ZC3H14: variants seen among roughly 807,000 people sequenced by gnomAD.
The protein encoded by ZC3H14 is zinc finger CCCH-type containing 14.
Under a neutral mutation model 92.4 loss-of-function variants are expected in ZC3H14, and 31 were observed. The ratio of observed to expected loss-of-function variants is 0.34; its 90% CI spans 0.25 to 0.45. The LOEUF (loss-of-function observed/expected upper bound fraction) is 0.45, where lower values mean the gene tolerates loss of function less well. ZC3H14 is among the 20% of genes least tolerant of loss of function. ZC3H14 has a pLI of 1.00. For missense variants in ZC3H14, 781 were observed against 897.3 expected, an observed-to-expected ratio of 0.87 and a Z score of 1.66; for synonymous variants, 321 against 300.9, an observed-to-expected ratio of 1.07 and a Z score of -0.69.
chr14:88,624,662 A>G lies in ZC3H14; in HGVS notation c.*12911A>G. On this transcript the variant is annotated 3_prime_UTR_variant, in exon 17 of 17. Transcript: ENST00000251038. ...TACAACCCTGGCTCCAGATTCCCCC[A>G]TGGGCCTCCTACTCAGCAAATCATA... 8.1e-6 allele frequency: 2 copies of G among 245,806 alleles called. No homozygotes were observed. Among genetic ancestry groups the G allele is most frequent in the Non-Finnish European group, 1.5e-5 (2 of 129,076 alleles). 15.2% of individuals were successfully genotyped at this position (245,806 alleles called of 1,614,324 possible). A position where few individuals can be genotyped will look rare whatever the true frequency, so the allele number is the denominator to read the frequency against.
intron 12 of ZC3H14, among the ~76,000 whole-genome samples, chr14:88,605,269 A>G (rs2085210284): frequency 6.6e-6 from 1 of 152,236 alleles, no homozygotes; most frequent in Non-Finnish European, 1.5e-5. Context: ...AATTAGAGAA[A>G]CTTCCAGTCA....
chr14:88,596,068 T>C lies in ZC3H14; in HGVS notation c.1280-666T>C, dbSNP rs556445363. On this transcript the variant is annotated intron_variant, in intron 9 of 16. Transcript: ENST00000251038. The stretch of plus-strand genomic sequence containing the variant: ...TGCAGTCAGACTGCTGGGCATATTA[T>C]TGTTAGGAATAGTGAACCTAATAGG... Among the ~76,000 whole-genome samples the C allele has an allele frequency of 2.2e-4, 34 of 152,352 alleles. No homozygotes were observed. In the East Asian group the frequency reaches 6.5e-3, roughly 29 times the overall value.
At chr14:88,589,450 T>C (rs1354208157) in intron 9 of ZC3H14, 1 of 152,256 alleles carries the variant, frequency 6.6e-6, no homozygotes, top group African/African-American at 2.4e-5. Flanking sequence ...AATTCAAGGC[T>C]TGATATATCA....
chr14:88,620,640 G>A lies in ZC3H14; in HGVS notation c.*8889G>A, dbSNP rs1432155724. 16 of 789,812 alleles carry A rather than the reference G, an allele frequency of 2.0e-5. No homozygotes were observed. Among genetic ancestry groups the A allele is most frequent in the Admixed American group, 1.5e-4 (4 of 27,348 alleles). The allele number at this position is 789,812 out of a possible 1,614,324, so 48.9% of individuals were successfully genotyped here. A position where few individuals can be genotyped will look rare whatever the true frequency, so the allele number is the denominator to read the frequency against. On this transcript the variant is annotated 3_prime_UTR_variant, in exon 17 of 17. Transcript: ENST00000251038. This position sits in a 1 kb window ranked among gnomAD's most constrained non-coding sequence, Gnocchi z 4.3. ...TATTTTAGCATACAATTTATAATAC[G>A]GGAAATGCTACAGGCCCTGGGGACC... is the stretch of plus-strand genomic sequence containing the variant.
rs1555398776 is a variant in ZC3H14 at position 88,574,982 on chromosome 14, G to C, written c.1022+129G>C. 2.8e-6 allele frequency: 4 copies of C among 1,418,588 alleles called. No individual in the cohort carries two copies. In the South Asian group the frequency reaches 5.0e-5, roughly 18 times the overall value. The allele number at this position is 1,418,588 out of a possible 1,614,324, so 87.9% of individuals were successfully genotyped here. On this transcript the variant is annotated intron_variant, in intron 7 of 16. Transcript: ENST00000251038. The stretch of plus-strand genomic sequence containing the variant: ...GACGGAGTCTCGCTCTGTCAACCAG[G>C]CTGGAGTGCAGTGCCACGATCTCGG...
rs2088704826 is a variant in ZC3H14, at chr14:88,620,538, CTAG to C, written c.*8790_*8792del. ...ACATGAATTCATCAAACATTACCTA[CTAG>C]TACTTGCTATTATAGTTGGTGCCCA... On this transcript the variant is annotated 3_prime_UTR_variant, in exon 17 of 17. Coordinates refer to ENST00000251038, the MANE Select transcript of ZC3H14 (RefSeq NM_024824.5). This position sits in a 1 kb window ranked among gnomAD's most constrained non-coding sequence, Gnocchi z 4.3. 2.5e-6 allele frequency: 1 copy of C among 406,398 alleles called. No individual in the cohort carries two copies. Among genetic ancestry groups the C allele is most frequent in the Admixed American group, 4.3e-5 (1 of 23,334 alleles). The allele number at this position is 406,398 out of a possible 1,614,324, so 25.2% of individuals were successfully genotyped here. A position where few individuals can be genotyped will look rare whatever the true frequency, so the allele number is the denominator to read the frequency against.
chr14:88,574,777 G>A lies in ZC3H14; in HGVS notation c.946G>A (p.Glu316Lys). The change falls in exon 7 of 17, where the codon GAA becomes AAA. Residue 316 changes from glutamate to lysine, a missense_variant. By Grantham distance (56) the Glu-to-Lys change is moderately conservative. Transcript: ENST00000251038. The stretch of plus-strand genomic sequence containing the variant: ...ATTCAATCATGATGGAGAAGAGGAG[G>A]AAGAAGATGATGATTACGGGTCTCG... The part of the protein sequence containing the change: ...KKFNHDGEEE[E>K]EDDDYGSRTG... The A allele has an allele frequency of 4.3e-6, 7 of 1,614,106 alleles. No homozygotes were observed. The highest frequency in any genetic ancestry group is 5.9e-6 in the Non-Finnish European group (7 of 1,180,000).
chr14:88,571,851 C>T (rs1001980597), intron 4 of ZC3H14, among the ~76,000 whole-genome samples, 179 bp from the exon 5 acceptor site: 6 of 152,124 alleles, frequency 3.9e-5, no homozygotes, highest in African/African-American at 1.4e-4. Flanking sequence ...GTAATCCCAG[C>T]TACTTGGGAG....
Position 88,612,530 on chromosome 14 carries a change from C to T in ZC3H14, c.*779C>T, listed in dbSNP as rs1310978570. 6.6e-6 allele frequency: 1 copy of T among 152,454 alleles called. No individual in the cohort carries two copies. Among genetic ancestry groups the T allele is most frequent in the Non-Finnish European group, 1.5e-5 (1 of 68,028 alleles). 9.4% of individuals were successfully genotyped at this position (152,454 alleles called of 1,614,324 possible). A position where few individuals can be genotyped will look rare whatever the true frequency, so the allele number is the denominator to read the frequency against. On this transcript the variant is annotated 3_prime_UTR_variant, in exon 17 of 17. Coordinates refer to ENST00000251038, the MANE Select transcript of ZC3H14 (RefSeq NM_024824.5). ...ATACAAATTTTTTTACAAGTATTTACATACTGTATCTGAAAACAGACTTTA... is the reference window on the plus strand; with the variant it reads ...ATACAAATTTTTTTACAAGTATTTATATACTGTATCTGAAAACAGACTTTA...
At chr14:88,573,412 A>C (rs530744500) in intron 6 of ZC3H14, among the ~76,000 whole-genome samples, 2 of 152,162 alleles carry the variant, frequency 1.3e-5, no homozygotes, top group South Asian at 4.2e-4. Context: ...AACAAAAAAA[A>C]CACATATTCC....
Position 88,563,083 on chromosome 14 carries a change from C to G in ZC3H14, c.-51C>G, listed in dbSNP as rs2079076975. 6.4e-7 allele frequency: 1 copy of G among 1,554,388 alleles called. No individual in the cohort carries two copies. Among genetic ancestry groups the G allele is most frequent in the East Asian group, 2.4e-5 (1 of 41,554 alleles). ...GCGGGGTAGGAGTCCGCGGCAGCCTCCGGGTAAGCCAAGCGCCGCGCAGTG... is the reference window on the plus strand; with the variant it reads ...GCGGGGTAGGAGTCCGCGGCAGCCTGCGGGTAAGCCAAGCGCCGCGCAGTG... On this transcript the variant is annotated 5_prime_UTR_variant, in exon 1 of 17. Transcript: ENST00000251038.
chr14:88,623,304 A>G lies in ZC3H14; in HGVS notation c.*11553A>G, dbSNP rs1595226429. Reference sequence around the variant, plus strand: ...AGTGCTGGGATTCCAGGTATGAGCCACTGTGCCTGGCCTCATAATACTTCT... The same window carrying G: ...AGTGCTGGGATTCCAGGTATGAGCCGCTGTGCCTGGCCTCATAATACTTCT... On this transcript the variant is annotated 3_prime_UTR_variant, in exon 17 of 17. Transcript: ENST00000251038. 2 of 152,274 alleles carry G rather than the reference A, an allele frequency of 1.3e-5. No individual in the cohort carries two copies. Among genetic ancestry groups the G allele is most frequent in the East Asian group, 3.8e-4 (2 of 5,198 alleles). The allele number at this position is 152,274 out of a possible 1,614,324, so 9.4% of individuals were successfully genotyped here. A position where few individuals can be genotyped will look rare whatever the true frequency, so the allele number is the denominator to read the frequency against.
intron 9 of ZC3H14, among the ~76,000 whole-genome samples, chr14:88,588,245 G>T (rs796933216): frequency 2.6e-5 from 4 of 152,028 alleles, no homozygotes; most frequent in African/African-American, 7.2e-5. Context: ...ATCCCGAGGC[G>T]CCCTCCTCCC....
At chr14:88,602,204 C>A in intron 11 of ZC3H14, 121 bp downstream of exon 11, 1 of 1,334,068 alleles carries the variant, frequency 7.5e-7, no homozygotes, top group Non-Finnish European at 1.1e-6. Context: ...TTCATTGATT[C>A]AGTAGCTAGC....
intron 13 of ZC3H14, 108 bp from the exon 14 acceptor site, chr14:88,609,159 C>T (rs2086117109): frequency 2.2e-6 from 3 of 1,339,236 alleles, no homozygotes; most frequent in Admixed American, 4.3e-5. Context: ...GTTTTTTTTG[C>T]ATTTCTCAAA....
rs989403406 is a variant in ZC3H14 at position 88,614,279 on chromosome 14, T to C, written c.*2528T>C. 2 of 152,236 alleles carry C rather than the reference T, an allele frequency of 1.3e-5. No homozygotes were observed. Among genetic ancestry groups the C allele is most frequent in the African/African-American group, 4.8e-5 (2 of 41,460 alleles). 9.4% of individuals were successfully genotyped at this position (152,236 alleles called of 1,614,324 possible). A position where few individuals can be genotyped will look rare whatever the true frequency, so the allele number is the denominator to read the frequency against. ...CTTAATAGTCATGTATTTCAAAATT[T>C]GGCTTAATTTAGGAGAATCCACTGA... is the stretch of plus-strand genomic sequence containing the variant. On this transcript the variant is annotated 3_prime_UTR_variant, in exon 17 of 17. Coordinates refer to ENST00000251038, the MANE Select transcript of ZC3H14 (RefSeq NM_024824.5).
rs913236522 is a variant in ZC3H14, at chr14:88,621,322, A to G, written c.*9571A>G. ...TTGCCCTGAAACACAAGCAGGACCA[A>G]TACAGTGAATGTAATACAACAGCTG... On this transcript the variant is annotated 3_prime_UTR_variant, in exon 17 of 17. Coordinates refer to ENST00000251038, the MANE Select transcript of ZC3H14 (RefSeq NM_024824.5). 1.9e-6 allele frequency: 3 copies of G among 1,612,996 alleles called. No homozygotes were observed. The African/African-American group carries it at 4.0e-5, about 22-fold the overall frequency.
chr14:88,585,954 A>C (rs2082423318), intron 9 of ZC3H14, among the ~76,000 whole-genome samples: 1 of 152,116 alleles, frequency 6.6e-6, no homozygotes, highest in Non-Finnish European at 1.5e-5. Context: ...GGATCACCTG[A>C]GGTCAGGAGT....
intron 15 of ZC3H14, among the ~76,000 whole-genome samples, chr14:88,610,295 A>T (rs2086371278): frequency 6.6e-6 from 1 of 152,182 alleles, no homozygotes; most frequent in African/African-American, 2.4e-5. Context: ...CTGGGCGTAG[A>T]TGAGGGTACT....
Sources: allele counts gnomAD v4.1 joint callset (sites outside exome capture counted in the v4.1 genomes callset), GRCh38; gene constraint gnomAD v4.1.1; non-coding constraint Gnocchi (gnomAD v3.1); transcripts MANE v1.5; gene names NCBI Gene and HGNC (gene_info 2026-07-23, HGNC 2026-07-21).